The following PARD3B variants were observed in gnomAD, a reference collection of about 807,000 sequenced individuals.
PARD3B encodes partitioning defective 3 homolog B.
In PARD3B, 103 loss-of-function variants were observed where a neutral mutation model predicts 130.2. The observed-to-expected ratio is 0.79, with a 90% CI of 0.67 to 0.93. The LOEUF (loss-of-function observed/expected upper bound fraction) is 0.93. PARD3B is among the 40% of genes least tolerant of loss of function. The probability of loss-of-function intolerance (pLI) is 0.00; values close to 1 mark genes in which losing one functional copy is unlikely to be tolerated. For missense variants in PARD3B, 1,609 were observed against 1,499.2 expected (o/e 1.07, Z -1.21); for synonymous variants, 583 against 553.2 (o/e 1.05, Z -0.76).
At position 204,887,450 on chromosome 2, in the gene PARD3B, C is replaced by T. The variant is rs1042981296; in HGVS notation, c.223-77702C>T. Among the ~76,000 whole-genome samples the T allele has an allele frequency of 2.6e-5, 4 of 152,240 alleles. No individual in the cohort carries two copies. The highest frequency in any genetic ancestry group is 4.1e-4 in the South Asian group (2 of 4,828). ...ATCCAGACTGCAGCCCAGTCACTTT[C>T]GAGATAGCCTGTCTGCATGTTGGCT... On this transcript the variant is annotated intron_variant, in intron 2 of 22. Coordinates refer to ENST00000406610, the MANE Select transcript of PARD3B (RefSeq NM_001302769.2). This position sits in a 1 kb window ranked among gnomAD's most constrained non-coding sequence, Gnocchi z 4.2.
At chr2:205,553,235 A>G in intron 21 of PARD3B, 89 bp from the exon 22 acceptor site, 2 of 1,230,104 alleles carry the variant, frequency 1.6e-6, no homozygotes, top group Non-Finnish European at 1.2e-6. Context: ...CAGTAACAGC[A>G]TTTGTGCACT....
intron 4 of PARD3B, among the ~76,000 whole-genome samples, chr2:205,057,065 G>A (rs566609800): frequency 6.6e-6 from 1 of 151,446 alleles, no homozygotes; most frequent in African/African-American, 2.4e-5. Context: ...TATTTGCATA[G>A]TCTCATAAAA....
intron 22 of PARD3B, among the ~76,000 whole-genome samples, chr2:205,583,400 T>TGTGTGTGCGCGC (rs1192785640): frequency 1.5e-5 from 2 of 133,890 alleles, no homozygotes; most frequent in Non-Finnish European, 3.2e-5. Context: ...TGTGTGTGTG[T>TGTGTGTGCGCGC]GCGCGCGCAC....
At chr2:204,788,582 G>C (rs1290088704) in intron 2 of PARD3B, among the ~76,000 whole-genome samples, 2 of 152,174 alleles carry the variant, frequency 1.3e-5, no homozygotes, top group Non-Finnish European at 2.9e-5. Context: ...CTGATGGTAA[G>C]ATTTCTTTAA....
rs565942392 is a variant in PARD3B, at chr2:205,597,664, C to T, written c.3261-17792C>T. On this transcript the variant is annotated intron_variant, in intron 22 of 22. Coordinates refer to ENST00000406610, the MANE Select transcript of PARD3B (RefSeq NM_001302769.2). ...GCAGTGTATGAGTATTCCCCTTTCTCTGCAGCCTCACCAGCATCTGTCGTT... is the reference window on the plus strand; with the variant it reads ...GCAGTGTATGAGTATTCCCCTTTCTTTGCAGCCTCACCAGCATCTGTCGTT... 9.8e-5 allele frequency among the ~76,000 whole-genome samples: 15 copies of T among 152,318 alleles called. No individual in the cohort carries two copies. In the East Asian group the frequency reaches 2.9e-3, roughly 29 times the overall value.
chr2:205,192,084 A>G (rs751334081), intron 14 of PARD3B, among the ~76,000 whole-genome samples: 42 of 152,176 alleles, frequency 2.8e-4, no homozygotes, highest in Non-Finnish European at 4.1e-4. Context: ...TCATTTGGCA[A>G]TACTATTATT....
At chr2:205,243,939 G>C (rs1051906287) in intron 15 of PARD3B, among the ~76,000 whole-genome samples, 7 of 152,140 alleles carry the variant, frequency 4.6e-5, no homozygotes, top group African/African-American at 1.7e-4. Flanking sequence ...CATTATCATT[G>C]TTTTCTAATG....
chr2:204,597,837 A>G (rs1414599288), intron 1 of PARD3B, among the ~76,000 whole-genome samples: 1 of 152,198 alleles, frequency 6.6e-6, no homozygotes, highest in Admixed American at 6.5e-5. Flanking sequence ...TGTTTTATGG[A>G]AAGATAATTT....
rs567765242 is a variant in PARD3B at position 205,091,186 on chromosome 2, G to A, written c.505-13240G>A. ...GCTGAAGTTTTTCAACCCCAAAGTA[G>A]CCAACAAATGGAATAGAAGTTAAGA... On this transcript the variant is annotated intron_variant, in intron 4 of 22. Transcript: ENST00000406610. The surrounding 1 kb of genome is among the most constrained non-coding windows in gnomAD (Gnocchi z 4.2). Among the ~76,000 whole-genome samples, 1 of 152,290 alleles carries A rather than the reference G, an allele frequency of 6.6e-6. No homozygotes were observed. The highest frequency in any genetic ancestry group is 2.1e-4 in the South Asian group (1 of 4,826).
At chr2:205,380,816 T>G (rs2045360672) in intron 18 of PARD3B, among the ~76,000 whole-genome samples, 1 of 95,070 alleles carries the variant, frequency 1.1e-5, no homozygotes, top group Non-Finnish European at 1.7e-5. Context: ...AAGAATATAT[T>G]ATATATTATA....
chr2:204,753,361 TG>T (rs908910921), intron 2 of PARD3B, among the ~76,000 whole-genome samples: 1 of 152,194 alleles, frequency 6.6e-6, no homozygotes, highest in Admixed American at 6.6e-5. Flanking sequence ...TATTAATATA[TG>T]GTATTAAATG....
chr2:205,593,101 CAGTTTT>C (rs2054446449), intron 22 of PARD3B, among the ~76,000 whole-genome samples: 1 of 152,210 alleles, frequency 6.6e-6, no homozygotes, highest in African/African-American at 2.4e-5. Flanking sequence ...TTTGTCCATC[CAGTTTT>C]AGAACTACAG....
intron 3 of PARD3B, among the ~76,000 whole-genome samples, chr2:204,981,721 G>A (rs1380339224): frequency 2.0e-5 from 3 of 152,118 alleles, no homozygotes; most frequent in Non-Finnish European, 4.4e-5. Flanking sequence ...TTTTTATATA[G>A]TATGTTAGAA....
chr2:205,155,743 C>T (rs2034079178), intron 10 of PARD3B, among the ~76,000 whole-genome samples: 1 of 152,130 alleles, frequency 6.6e-6, no homozygotes, highest in South Asian at 2.1e-4. Context: ...GCCATTCTAA[C>T]TGGTGTGAGA....
chr2:204,932,426 A>T (rs778929190), intron 2 of PARD3B, among the ~76,000 whole-genome samples: 1 of 152,158 alleles, frequency 6.6e-6, no homozygotes, highest in Admixed American at 6.6e-5. Context: ...TTCAATTTAT[A>T]TCCTAAAAAT....
intron 2 of PARD3B, among the ~76,000 whole-genome samples, chr2:204,719,923 A>G (rs2038917394): frequency 6.6e-6 from 1 of 152,206 alleles, no homozygotes; most frequent in East Asian, 1.9e-4. Flanking sequence ...GGAAGAATGT[A>G]TCCATTCATA....
intron 1 of PARD3B, among the ~76,000 whole-genome samples, chr2:204,603,373 T>C (rs2033590356): frequency 6.6e-6 from 1 of 152,134 alleles, no homozygotes; most frequent in Admixed American, 6.6e-5. Context: ...TTCACCAGTA[T>C]TATTTCAGGA....
At position 204,976,278 on chromosome 2, in the gene PARD3B, A is replaced by G. The variant is rs1412875841; in HGVS notation, c.394+10955A>G. On this transcript the variant is annotated intron_variant, in intron 3 of 22. Transcript: ENST00000406610. ...GCAGTGTAGTGTAGAAATTAAGAGCACAAGCCCTGGAGCAAGCCTGCCTGG... is the reference window on the plus strand; with the variant it reads ...GCAGTGTAGTGTAGAAATTAAGAGCGCAAGCCCTGGAGCAAGCCTGCCTGG... 2.6e-5 allele frequency among the ~76,000 whole-genome samples: 4 copies of G among 152,342 alleles called. No homozygotes were observed. In the East Asian group the frequency reaches 5.8e-4, roughly 22 times the overall value.
rs1292122826 is a variant in PARD3B at position 204,648,585 on chromosome 2, T to A, written c.121-37596T>A. Among the ~76,000 whole-genome samples the A allele has an allele frequency of 9.5e-3, 1,204 of 127,014 alleles. 25 individuals are homozygous for A. Among genetic ancestry groups the A allele is most frequent in the African/African-American group, 0.034 (1,122 of 32,654 alleles). The allele number at this position is 127,014 out of a possible 152,430, so 83.3% of individuals were successfully genotyped here. ...ATAAATATAAATATATATTATATATTATATTATATATAATATATTTATATT... is the reference window on the plus strand; with the variant it reads ...ATAAATATAAATATATATTATATATAATATTATATATAATATATTTATATT... On this transcript the variant is annotated intron_variant, in intron 1 of 22. Transcript: ENST00000406610.
Sources: gnomAD v4.1 joint callset for allele counts (sites outside exome capture counted in the v4.1 genomes callset) on GRCh38, gnomAD v4.1.1 for gene constraint, Gnocchi (gnomAD v3.1) non-coding constraint, MANE v1.5 for transcripts, NCBI Gene and HGNC (gene_info 2026-07-23, HGNC 2026-07-21) for gene names.